The following PTRHD1 variants were observed in gnomAD, a reference collection of about 807,000 sequenced individuals.
PTRHD1 encodes the protein peptidyl-tRNA hydrolase domain containing 1.
Under a neutral mutation model 13.6 loss-of-function variants are expected in PTRHD1, and 12 were observed. That is an observed-to-expected ratio of 0.88 (90% CI 0.57 to 1.43). PTRHD1 has a LOEUF of 1.43. Ranked by LOEUF, PTRHD1 falls within the 40% of genes most tolerant of loss-of-function variation. The pLI is 0.00. For synonymous variants in PTRHD1, 86 were observed against 79.5 expected, an observed-to-expected ratio of 1.08 and a Z score of -0.43; for missense variants, 203 against 184.7, an observed-to-expected ratio of 1.10 and a Z score of -0.57.
chr2:24,790,843 T>C (rs1665605796), intron 1 of PTRHD1, among the ~76,000 whole-genome samples: 1 of 152,112 alleles, frequency 6.6e-6, no homozygotes. Flanking sequence ...GTAATTCTGC[T>C]CTATACATTT....
chr2:24,791,303 G>A (rs897966256), intron 1 of PTRHD1, among the ~76,000 whole-genome samples: 9 of 152,050 alleles, frequency 5.9e-5, no homozygotes, highest in African/African-American at 2.2e-4. Context: ...GAAACCTAGA[G>A]GGGTTTTCCT....
At chr2:24,792,409 A>ATT (rs1665653926) in intron 1 of PTRHD1, 1 of 152,226 alleles carries the variant, frequency 6.6e-6, no homozygotes, top group South Asian at 2.1e-4. Flanking sequence ...ATGTAGATGT[A>ATT]TTTCTTTAGT....
At chr2:24,791,193 A>G (rs1287406206) in intron 1 of PTRHD1, among the ~76,000 whole-genome samples, 5 of 152,050 alleles carry the variant, frequency 3.3e-5, no homozygotes, top group Admixed American at 1.3e-4. Context: ...CCAAAGTGCT[A>G]GGATTACAGG....
rs760248897 is a variant in PTRHD1, at chr2:24,793,247, G to T, written c.131C>A (p.Ala44Glu). The T allele has an allele frequency of 1.9e-6, 3 of 1,613,888 alleles. 1 individual carries two copies. In the South Asian group the frequency reaches 3.3e-5, roughly 18 times the overall value. ...DLSQAPFSWPAGALVAQACHA... is the reference protein window; with the variant it reads ...DLSQAPFSWPEGALVAQACHA... The stretch of plus-strand genomic sequence containing the variant: ...ACAAGCCTGCGCTACCAGTGCGCCC[G>T]CCGGCCAGGAGAACGGAGCTTGTGA... The change falls in exon 1 of 2, where the codon GCG (alanine) becomes GAG (glutamate). Residue 44 changes from alanine to glutamate, a missense_variant. Ala to Glu is a moderately radical substitution (Grantham distance 107). Coordinates refer to ENST00000328379, the MANE Select transcript of PTRHD1 (RefSeq NM_001013663.2).
In PTRHD1 at chr2:24,790,117, C is replaced by T. The variant is rs1665590886; in HGVS notation, c.*294G>A. ...AACTGGATGTGAATAAGAAGGAATTCAAAAGCAAAGTTTCAAACCCGAGTG... is the reference window on the plus strand; with the variant it reads ...AACTGGATGTGAATAAGAAGGAATTTAAAAGCAAAGTTTCAAACCCGAGTG... On this transcript the variant is annotated 3_prime_UTR_variant, in exon 2 of 2. Transcript: ENST00000328379. 3.6e-6 allele frequency: 1 copy of T among 277,102 alleles called. No individual in the cohort carries two copies. The highest frequency in any genetic ancestry group is 6.7e-6 in the Non-Finnish European group (1 of 148,746). 17.2% of individuals were successfully genotyped at this position (277,102 alleles called of 1,614,324 possible).
Position 24,790,410 on chromosome 2 carries a change from G to T in PTRHD1, c.*1C>A, listed in dbSNP as rs1259634408. On this transcript the variant is annotated 3_prime_UTR_variant, in exon 2 of 2. Coordinates refer to ENST00000328379, the MANE Select transcript of PTRHD1 (RefSeq NM_001013663.2). ...CGTATTCAAACACATCAAAGCAGCA[G>T]TTACTTGAACAATCGGAACTTCTTC... 6.2e-7 allele frequency: 1 copy of T among 1,613,496 alleles called. No individual in the cohort carries two copies. The highest frequency in any genetic ancestry group is 8.5e-7 in the Non-Finnish European group (1 of 1,179,558).
Position 24,793,162 on chromosome 2 carries a change from G to C in PTRHD1, c.216C>G (p.Leu72=), listed in dbSNP as rs140873087. Residue 72 remains leucine (L), a synonymous_variant, in exon 1 of 2, where the codon CTC becomes CTG. Transcript: ENST00000328379. ...HRDHPHTAAY[L]QELGRMRKVV... ...CTTTGCGCATGCGCCCCAGCTCTTG[G>C]AGGTAAGCGGCTGTGTGCGGGTGGT... is the stretch of plus-strand genomic sequence containing the variant. The C allele has an allele frequency of 1.8e-4, 283 of 1,613,414 alleles. No homozygotes were observed. The highest frequency in any genetic ancestry group is 8.5e-4 in the Admixed American group (51 of 60,002).
chr2:24,791,168 AC>A (rs1446511054), intron 1 of PTRHD1, among the ~76,000 whole-genome samples: 4 of 151,756 alleles, frequency 2.6e-5, no homozygotes, highest in Admixed American at 1.3e-4. Context: ...CAAGCAATCC[AC>A]CCACCTAAGC....
In PTRHD1 at chr2:24,790,120, A is replaced by G. The variant is rs571315697; in HGVS notation, c.*291T>C. The G allele has an allele frequency of 2.1e-4, 59 of 284,452 alleles. 1 individual carries two copies. The South Asian group carries it at 6.3e-3, about 30-fold the overall frequency. 17.6% of individuals were successfully genotyped at this position (284,452 alleles called of 1,614,324 possible). A position where few individuals can be genotyped will look rare whatever the true frequency, so the allele number is the denominator to read the frequency against. ...TGGATGTGAATAAGAAGGAATTCAA[A>G]AGCAAAGTTTCAAACCCGAGTGACT... On this transcript the variant is annotated 3_prime_UTR_variant, in exon 2 of 2. Transcript: ENST00000328379.
rs912790383 is a variant in PTRHD1 at position 24,789,775 on chromosome 2, T to C, written c.*636A>G. 2 of 152,320 alleles carry C rather than the reference T, an allele frequency of 1.3e-5. No homozygotes were observed. Among genetic ancestry groups the C allele is most frequent in the African/African-American group, 2.4e-5 (1 of 41,464 alleles). 9.4% of individuals were successfully genotyped at this position (152,320 alleles called of 1,614,324 possible). A position where few individuals can be genotyped will look rare whatever the true frequency, so the allele number is the denominator to read the frequency against. The stretch of plus-strand genomic sequence containing the variant: ...TGAATCTAATAAATCTGTATGTATG[T>C]ACATATATATAGACACACACAAATT... On this transcript the variant is annotated 3_prime_UTR_variant, in exon 2 of 2. Transcript: ENST00000328379.
chr2:24,790,257 G>C lies in PTRHD1; in HGVS notation c.*154C>G, dbSNP rs1665592610. Reference sequence around the variant, plus strand: ...CTTCCCCACTTGAACTTATTAATAAGAGGAAGTAGTTATTAATGACAACTT... The same window carrying C: ...CTTCCCCACTTGAACTTATTAATAACAGGAAGTAGTTATTAATGACAACTT... On this transcript the variant is annotated 3_prime_UTR_variant, in exon 2 of 2. Transcript: ENST00000328379. The C allele has an allele frequency of 1.4e-5, 11 of 773,776 alleles. No individual in the cohort carries two copies. The East Asian group carries it at 2.4e-4, about 17-fold the overall frequency. The allele number at this position is 773,776 out of a possible 1,614,324, so 47.9% of individuals were successfully genotyped here. A position where few individuals can be genotyped will look rare whatever the true frequency, so the allele number is the denominator to read the frequency against.
In PTRHD1 at chr2:24,793,207, C is replaced by T. The variant is rs996168855; in HGVS notation, c.171G>A (p.Ala57=). The T allele has an allele frequency of 6.2e-7, 1 of 1,612,928 alleles. No homozygotes were observed. Among genetic ancestry groups the T allele is most frequent in the Non-Finnish European group, 8.5e-7 (1 of 1,179,770 alleles). Residue 57 remains alanine, a synonymous_variant, in exon 1 of 2, where the codon GCG becomes GCA. Transcript: ENST00000328379. ...LVAQACHAAT[A]ALHTHRDHPH... ...GGTGGTCGCGGTGAGTGTGCAAGGCCGCGGTGGCCGCGTGACAAGCCTGCG... is the reference window on the plus strand; with the variant it reads ...GGTGGTCGCGGTGAGTGTGCAAGGCTGCGGTGGCCGCGTGACAAGCCTGCG...
At chr2:24,792,934 C>T in intron 1 of PTRHD1, 192 bp downstream of exon 1, 1 of 671,284 alleles carries the variant, frequency 1.5e-6, no homozygotes, top group Admixed American at 2.9e-5. Flanking sequence ...GGGCGGAGGA[C>T]TGCTGTCCAC....
intron 1 of PTRHD1, 95 bp from the exon 2 acceptor site, chr2:24,790,676 G>A (rs1572712662): frequency 8.8e-7 from 1 of 1,135,554 alleles, no homozygotes; most frequent in Admixed American, 2.6e-5. Context: ...GCCTGAAAGT[G>A]GAGTAACAGC....
chr2:24,793,359 G>C lies in PTRHD1; in HGVS notation c.19C>G (p.Pro7Ala), dbSNP rs1665695052. 2 of 1,613,658 alleles carry C rather than the reference G, an allele frequency of 1.2e-6. No homozygotes were observed. The highest frequency in any genetic ancestry group is 1.3e-5 in the African/African-American group (1 of 75,076). Reference protein sequence around the residue: MHRGVGPAFRVVRKMAA... With the variant: MHRGVGAAFRVVRKMAA... The stretch of plus-strand genomic sequence containing the variant: ...ATCTTCCTGACCACCCGAAAGGCCG[G>C]ACCTACTCCCCGGTGCATCTTGGGA... The change falls in exon 1 of 2, where the codon CCG (proline) becomes GCG (alanine). Residue 7 changes from proline to alanine, a missense_variant. Pro to Ala is a conservative substitution (Grantham distance 27). Transcript: ENST00000328379.
intron 1 of PTRHD1, among the ~76,000 whole-genome samples, chr2:24,792,065 T>C (rs1361296520): frequency 2.6e-5 from 4 of 152,224 alleles, no homozygotes; most frequent in African/African-American, 9.6e-5. Context: ...TGAGACCTCT[T>C]ACTAGGAAGA....
chr2:24,793,084 C>T (rs1255965898), intron 1 of PTRHD1, 42 bp downstream of exon 1: 2 of 1,589,082 alleles, frequency 1.3e-6, no homozygotes, highest in Non-Finnish European at 1.7e-6. Context: ...CCACTTCCGC[C>T]CTCGATGTCT....
rs760803909 is a variant in PTRHD1 at position 24,793,364 on chromosome 2, A to G, written c.14T>C (p.Val5Ala). 2.5e-6 allele frequency: 4 copies of G among 1,613,090 alleles called. No homozygotes were observed. The Admixed American group carries it at 6.7e-5, about 27-fold the overall frequency. The change falls in exon 1 of 2, where the codon GTA becomes GCA. Residue 5 changes from valine to alanine, a missense_variant. Transcript: ENST00000328379. ...CCTGACCACCCGAAAGGCCGGACCT[A>G]CTCCCCGGTGCATCTTGGGATCAGG... MHRGVGPAFRVVRKM... is the reference protein window; with the variant it reads MHRGAGPAFRVVRKM...
chr2:24,790,637 AGGCC>A lies in PTRHD1; in HGVS notation c.253-60_253-57del. The A allele has an allele frequency of 5.9e-6, 9 of 1,532,148 alleles. No homozygotes were observed. The Admixed American group carries it at 1.2e-4, about 21-fold the overall frequency. 94.9% of individuals were successfully genotyped at this position (1,532,148 alleles called of 1,614,324 possible). A position where few individuals can be genotyped will look rare whatever the true frequency, so the allele number is the denominator to read the frequency against. ...AATAGCCCACTTAGGAAGTGTCAAA[AGGCC>A]AAAAAAGGTTTCGGGAGTCCTCTTG... On this transcript the variant is annotated intron_variant, in intron 1 of 1. Transcript: ENST00000328379.
Sources: allele counts gnomAD v4.1 joint callset (sites outside exome capture counted in the v4.1 genomes callset), GRCh38; gene constraint gnomAD v4.1.1; transcripts MANE v1.5; gene names NCBI Gene and HGNC (gene_info 2026-07-23, HGNC 2026-07-21).